GALNT13: variants seen among roughly 807,000 people sequenced by gnomAD.
GALNT13 encodes polypeptide N-acetylgalactosaminyltransferase 13.
In GALNT13, 28 loss-of-function variants were observed where a neutral mutation model predicts 64.2. That is an observed-to-expected ratio of 0.44 (90% CI 0.32 to 0.60). GALNT13 has a LOEUF of 0.60. Among genes scored for constraint, GALNT13 ranks in the 20% least tolerant of loss-of-function variants. The pLI, the probability that GALNT13 is intolerant of heterozygous loss-of-function variation, is 0.05. For missense variants in GALNT13, 577 were observed against 669.8 expected, an observed-to-expected ratio of 0.86 and a Z score of 1.53; for synonymous variants, 214 against 224.6, an observed-to-expected ratio of 0.95 and a Z score of 0.42.
chr2:153,241,086 G>C, the GALNT13 span, among the ~76,000 whole-genome samples: 2 of 152,142 alleles, frequency 1.3e-5, no homozygotes, highest in Non-Finnish European at 2.9e-5. Flanking sequence ...TGTCCGTCTT[G>C]TCTTTGTGTG....
At chr2:153,774,173 ATTT>A in the GALNT13 span, among the ~76,000 whole-genome samples, 1 of 152,142 alleles carries the variant, frequency 6.6e-6, no homozygotes, top group Non-Finnish European at 1.5e-5. Flanking sequence ...TATATAAAGA[ATTT>A]TTATTGATTA....
chr2:154,341,169 T>G (rs1369984258), intron 9 of GALNT13, among the ~76,000 whole-genome samples: 1 of 151,964 alleles, frequency 6.6e-6, no homozygotes, highest in Non-Finnish European at 1.5e-5. Context: ...TATACAGGCA[T>G]GTACAAAGGA....
intron 2 of GALNT13, among the ~76,000 whole-genome samples, chr2:153,930,294 G>T (rs2105354641): frequency 6.6e-6 from 1 of 152,028 alleles, no homozygotes; most frequent in South Asian, 2.1e-4. Context: ...GGTGAGGGTT[G>T]TCTGTTTGTT....
At chr2:153,892,952 C>G (rs1197181741) in intron 1 of GALNT13, among the ~76,000 whole-genome samples, 2 of 151,982 alleles carry the variant, frequency 1.3e-5, no homozygotes, top group Non-Finnish European at 2.9e-5. Flanking sequence ...CCAGAGTGGC[C>G]TAAAGAAATT....
chr2:153,774,296 G>T, the GALNT13 span, among the ~76,000 whole-genome samples: 1 of 151,848 alleles, frequency 6.6e-6, no homozygotes, highest in African/African-American at 2.4e-5. Flanking sequence ...GGGCTTATAG[G>T]TGATGTTTCT....
chr2:154,366,337 ATATG>A (rs556066234), intron 9 of GALNT13, among the ~76,000 whole-genome samples: 2 of 152,196 alleles, frequency 1.3e-5, no homozygotes, highest in Non-Finnish European at 2.9e-5. Context: ...TGTATTGCAT[ATATG>A]TATATTACAA....
intron 3 of GALNT13, among the ~76,000 whole-genome samples, chr2:153,994,542 A>G (rs1424525958): frequency 6.6e-6 from 1 of 152,154 alleles, no homozygotes; most frequent in African/African-American, 2.4e-5. Context: ...AAAAGTGTAA[A>G]AGTGTTCCTA....
the GALNT13 span, among the ~76,000 whole-genome samples, chr2:153,253,119 A>G: frequency 1.3e-5 from 2 of 151,580 alleles, no homozygotes; most frequent in African/African-American, 4.9e-5. Context: ...ATATTCTTCC[A>G]TTTGTTTGTA....
the GALNT13 span, among the ~76,000 whole-genome samples, chr2:153,709,302 C>CA: frequency 1.4e-4 from 21 of 151,678 alleles, no homozygotes; most frequent in African/African-American, 4.6e-4. Context: ...ACAAAACAAA[C>CA]AAAAAAACCC....
At chr2:154,287,223 A>T in intron 8 of GALNT13, 1 of 1,228,958 alleles carries the variant, frequency 8.1e-7, no homozygotes, top group Non-Finnish European at 1.2e-6. Flanking sequence ...AAGGCTGAGC[A>T]TCAGAAGAAG....
At chr2:153,151,058 C>A in the GALNT13 span, among the ~76,000 whole-genome samples, 3 of 152,004 alleles carry the variant, frequency 2.0e-5, no homozygotes, top group African/African-American at 7.2e-5. Flanking sequence ...TTACCTTGGG[C>A]AGTATGGCCA....
intron 4 of GALNT13, among the ~76,000 whole-genome samples, chr2:154,170,253 T>G (rs1685276794): frequency 6.6e-6 from 1 of 152,262 alleles, no homozygotes; most frequent in East Asian, 1.9e-4. Context: ...TCTTCCTTAC[T>G]CAGTCCACTG....
intron 9 of GALNT13, among the ~76,000 whole-genome samples, chr2:154,310,145 A>G (rs1368752835): frequency 6.6e-6 from 1 of 152,166 alleles, no homozygotes; most frequent in Admixed American, 6.5e-5. Flanking sequence ...ATTGGGTTTG[A>G]TGTAATTCCC....
the GALNT13 span, among the ~76,000 whole-genome samples, chr2:153,695,693 C>T: frequency 6.6e-6 from 1 of 151,472 alleles, no homozygotes; most frequent in Non-Finnish European, 1.5e-5. Context: ...TTGATTTAAT[C>T]TATAGATTAA....
At chr2:153,256,789 TGAG>T in the GALNT13 span, among the ~76,000 whole-genome samples, 4 of 152,330 alleles carry the variant, frequency 2.6e-5, no homozygotes, top group Middle Eastern at 3.4e-3. Flanking sequence ...GGGACCCCCT[TGAG>T]GAGGCAGTCT....
chr2:154,212,049 T>C (rs1481191995), intron 4 of GALNT13, among the ~76,000 whole-genome samples: 1 of 152,122 alleles, frequency 6.6e-6, no homozygotes, highest in Non-Finnish European at 1.5e-5. Flanking sequence ...ATTGCATCTT[T>C]GGTGATACAC....
intron 2 of GALNT13, among the ~76,000 whole-genome samples, chr2:153,909,363 G>A (rs1558847432): frequency 6.6e-6 from 1 of 152,032 alleles, no homozygotes; most frequent in Non-Finnish European, 1.5e-5. Context: ...TCTAGATACA[G>A]AAACACATCA....
the GALNT13 span, among the ~76,000 whole-genome samples, chr2:153,250,674 A>G: frequency 3.6e-3 from 555 of 152,352 alleles, 2 homozygotes; most frequent in African/African-American, 0.013. Flanking sequence ...AATGTGGCAC[A>G]TATACACCAT....
At chr2:153,127,617 C>A in the GALNT13 span, among the ~76,000 whole-genome samples, 1 of 152,160 alleles carries the variant, frequency 6.6e-6, no homozygotes, top group Admixed American at 6.5e-5. Context: ...TTTTTACTTT[C>A]AATTTTTATC....
Sources: gnomAD v4.1 joint callset for allele counts (sites outside exome capture counted in the v4.1 genomes callset) on GRCh38, gnomAD v4.1.1 for gene constraint, MANE v1.5 for transcripts, NCBI Gene and HGNC (gene_info 2026-07-23, HGNC 2026-07-21) for gene names.